The following SGCZ variants were observed in gnomAD, a reference collection of about 807,000 sequenced individuals.
The protein encoded by SGCZ is sarcoglycan zeta.
A neutral mutation model predicts 41.3 loss-of-function variants in SGCZ; 40 were observed. The ratio of observed to expected loss-of-function variants is 0.97; its 90% CI spans 0.75 to 1.26. SGCZ has a LOEUF of 1.26. Among genes scored for constraint, SGCZ ranks in the 50% most tolerant of loss-of-function variants. The pLI is 0.00. For synonymous variants in SGCZ, 206 were observed against 137.5 expected, an observed-to-expected ratio of 1.50 and a Z score of -3.49; for missense variants, 552 against 369.8, an observed-to-expected ratio of 1.49 and a Z score of -4.04.
At position 14,719,979 on chromosome 8, in the gene SGCZ, A is replaced by T. The variant is rs999353336; in HGVS notation, c.40-165053T>A. On this transcript the variant is annotated intron_variant, in intron 1 of 7. Coordinates refer to ENST00000382080, the MANE Select transcript of SGCZ (RefSeq NM_139167.4). ...CCTAGGTTTTCTTCTAGGGTTTTTA[A>T]GGTTTTAGGTCTAAAGTTTACGTCT... Among the ~76,000 whole-genome samples, 93 of 152,018 alleles carry T rather than the reference A, an allele frequency of 6.1e-4. 1 individual carries two copies. The highest frequency in any genetic ancestry group is 7.2e-4 in the Non-Finnish European group (49 of 67,952).
At chr8:14,319,603 G>C (rs79071324) in intron 3 of SGCZ, 1 of 151,988 alleles carries the variant, frequency 6.6e-6, no homozygotes, top group African/African-American at 2.4e-5. Flanking sequence ...CTAATGAACT[G>C]AGAAATGGAA....
intron 1 of SGCZ, among the ~76,000 whole-genome samples, chr8:15,043,160 A>G (rs1804172529): frequency 6.6e-6 from 1 of 152,180 alleles, no homozygotes; most frequent in African/African-American, 2.4e-5. Flanking sequence ...TAAGGAAGAC[A>G]AGGATGTTGT....
At chr8:15,230,195 A>T (rs2117205217) in intron 1 of SGCZ, among the ~76,000 whole-genome samples, 1 of 152,190 alleles carries the variant, frequency 6.6e-6, no homozygotes, top group African/African-American at 2.4e-5. Context: ...TAAAAAAAAA[A>T]AAAAAAACTG....
At chr8:14,121,824 T>A (rs914675620) in intron 5 of SGCZ, among the ~76,000 whole-genome samples, 10 of 152,218 alleles carry the variant, frequency 6.6e-5, no homozygotes, top group African/African-American at 2.4e-4. Context: ...AATTTTCTGT[T>A]CTGTAAAATA....
At chr8:15,038,444 C>G (rs1289486360) in intron 1 of SGCZ, among the ~76,000 whole-genome samples, 3 of 151,238 alleles carry the variant, frequency 2.0e-5, no homozygotes, top group African/African-American at 7.3e-5. Context: ...ACATTATATA[C>G]AAAAATAACA....
At chr8:15,191,130 A>G (rs1372193043) in intron 1 of SGCZ, among the ~76,000 whole-genome samples, 1 of 152,140 alleles carries the variant, frequency 6.6e-6, no homozygotes, top group Non-Finnish European at 1.5e-5. Context: ...ATAATTGTGC[A>G]GTGCATATAA....
chr8:15,141,895 C>CAA (rs10553934), intron 1 of SGCZ, among the ~76,000 whole-genome samples: 3 of 144,400 alleles, frequency 2.1e-5, no homozygotes, highest in East Asian at 2.0e-4. Flanking sequence ...GTGAGACTCT[C>CAA]AAAAAAAAAA....
intron 1 of SGCZ, among the ~76,000 whole-genome samples, chr8:15,222,508 C>G (rs1262210899): frequency 6.6e-6 from 1 of 152,016 alleles, no homozygotes. Context: ...TTAGTGCTTA[C>G]ATATTAATGC....
intron 2 of SGCZ, among the ~76,000 whole-genome samples, chr8:14,476,901 C>G (rs1801377933): frequency 6.6e-6 from 1 of 152,158 alleles, no homozygotes; most frequent in Non-Finnish European, 1.5e-5. Context: ...TTCATGTACT[C>G]TAAACCAAAC....
chr8:14,374,338 G>A (rs968029585), intron 2 of SGCZ, among the ~76,000 whole-genome samples: 4 of 152,104 alleles, frequency 2.6e-5, no homozygotes, highest in East Asian at 1.9e-4. Context: ...GAGAGACCCT[G>A]TCTCAAAAAG....
At chr8:14,368,577 G>A (rs187807637) in intron 2 of SGCZ, among the ~76,000 whole-genome samples, 5 of 152,136 alleles carry the variant, frequency 3.3e-5, no homozygotes, top group Admixed American at 1.3e-4. Context: ...ACATTAAATA[G>A]AACAGTGCTC....
At chr8:14,401,901 C>G (rs958609235) in intron 2 of SGCZ, among the ~76,000 whole-genome samples, 1 of 150,700 alleles carries the variant, frequency 6.6e-6, no homozygotes, top group African/African-American at 2.5e-5. Flanking sequence ...TACAGTCCCA[C>G]CAACAGTGTA....
At chr8:15,183,066 C>A (rs1045061720) in intron 1 of SGCZ, among the ~76,000 whole-genome samples, 18 of 152,188 alleles carry the variant, frequency 1.2e-4, no homozygotes, top group Non-Finnish European at 1.0e-4. Flanking sequence ...CCTTCAGGGG[C>A]AGTAACAGGC....
chr8:15,013,587 G>A (rs560829607), intron 1 of SGCZ, among the ~76,000 whole-genome samples: 1 of 152,162 alleles, frequency 6.6e-6, no homozygotes, highest in African/African-American at 2.4e-5. Context: ...AATGTGAAAG[G>A]CTGCATGGTG....
At chr8:14,819,587 C>T (rs1210878623) in intron 1 of SGCZ, among the ~76,000 whole-genome samples, 2 of 151,944 alleles carry the variant, frequency 1.3e-5, no homozygotes, top group Non-Finnish European at 2.9e-5. Flanking sequence ...CTTAGAACAC[C>T]CTAGTGAAGT....
chr8:14,936,360 C>G (rs1327871843), intron 1 of SGCZ, among the ~76,000 whole-genome samples: 1 of 151,860 alleles, frequency 6.6e-6, no homozygotes, highest in East Asian at 1.9e-4. Context: ...CTTAAATGCT[C>G]AGAATACTTT....
At chr8:14,358,402 T>C (rs929429951) in intron 2 of SGCZ, among the ~76,000 whole-genome samples, 3 of 152,194 alleles carry the variant, frequency 2.0e-5, no homozygotes, top group Non-Finnish European at 4.4e-5. Flanking sequence ...TTTTTCATTA[T>C]GTTGTCATCA....
chr8:14,619,929 G>GA (rs1208974819), intron 1 of SGCZ, among the ~76,000 whole-genome samples: 1 of 152,024 alleles, frequency 6.6e-6, no homozygotes, highest in Non-Finnish European at 1.5e-5. Flanking sequence ...CACAGAATTG[G>GA]AAAAAACTAC....
At chr8:14,551,516 T>TA (rs1554537371) in intron 2 of SGCZ, among the ~76,000 whole-genome samples, 62 of 10,132 alleles carry the variant, frequency 6.1e-3, no homozygotes, top group African/African-American at 0.02. Flanking sequence ...ATTATATATA[T>TA]TATATATAAT....
Sources: allele counts gnomAD v4.1 joint callset (sites outside exome capture counted in the v4.1 genomes callset), GRCh38; gene constraint gnomAD v4.1.1; transcripts MANE v1.5; gene names NCBI Gene and HGNC (gene_info 2026-07-23, HGNC 2026-07-21).